The following CLYBL variants were observed in gnomAD, a reference collection of about 807,000 sequenced individuals.
CLYBL encodes the protein citramalyl-CoA lyase.
CLYBL carries 31 observed loss-of-function variants against 38.9 expected under a neutral mutation model. The observed-to-expected ratio is 0.80, with a 90% confidence interval of 0.60 to 1.08. The LOEUF is 1.08. Among genes scored for constraint, CLYBL ranks in the 50% least tolerant of loss-of-function variants. The pLI, the probability that CLYBL is intolerant of heterozygous loss-of-function variation, is 0.00. For missense variants in CLYBL, 434 were observed against 411.6 expected (o/e 1.05, Z -0.47); for synonymous variants, 171 against 158.6 (o/e 1.08, Z -0.59).
At chr13:99,736,038 C>CTTTTTTTTTTTTTTTTTTTTT (rs767129851) in intron 1 of CLYBL, among the ~76,000 whole-genome samples, 2 of 76,198 alleles carry the variant, frequency 2.6e-5, no homozygotes, top group Non-Finnish European at 4.7e-5. Flanking sequence ...CGTTTCTTTT[C>CTTTTTTTTTTTTTTTTTTTTT]TTTTTTTTTT....
At chr13:99,678,774 G>C (rs2047690046) in intron 1 of CLYBL, among the ~76,000 whole-genome samples, 1 of 152,058 alleles carries the variant, frequency 6.6e-6, no homozygotes, top group Non-Finnish European at 1.5e-5. Flanking sequence ...TAGGCAGAAA[G>C]AGCGTGAAAT....
At chr13:99,748,446 T>TGC (rs1566310967) in intron 1 of CLYBL, among the ~76,000 whole-genome samples, 1 of 134,894 alleles carries the variant, frequency 7.4e-6, no homozygotes, top group Admixed American at 7.2e-5. Context: ...TTTTTTTTTT[T>TGC]TTTTTTTTTT....
downstream of CLYBL, among the ~76,000 whole-genome samples, chr13:99,898,883 C>T (rs985971951): frequency 3.9e-5 from 6 of 152,122 alleles, no homozygotes; most frequent in African/African-American, 1.4e-4. Flanking sequence ...AGTGTGGATG[C>T]CTTGAATATT....
At chr13:99,619,062 GA>G (rs1452928347) in intron 1 of CLYBL, among the ~76,000 whole-genome samples, 1 of 152,164 alleles carries the variant, frequency 6.6e-6, no homozygotes, top group Non-Finnish European at 1.5e-5. Flanking sequence ...GGATTTCTTT[GA>G]ATTATACTAG....
In CLYBL at chr13:99,833,005, TAC is replaced by T. The variant is rs1378702732; in HGVS notation, c.250-25854_250-25853del. Among the ~76,000 whole-genome samples, 297 of 50,326 alleles carry T rather than the reference TAC, an allele frequency of 5.9e-3. 11 individuals are homozygous for T. Among genetic ancestry groups the T allele is most frequent in the East Asian group, 0.018 (15 of 838 alleles). 33.0% of individuals were successfully genotyped at this position (50,326 alleles called of 152,430 possible). On this transcript the variant is annotated intron_variant, in intron 2 of 8. Transcript: ENST00000339105. Reference sequence around the variant, plus strand: ...ATTAAGTAGTATATACATACATACATACATATATATATATATATATATATATT... The same window carrying T: ...ATTAAGTAGTATATACATACATACATATATATATATATATATATATATATT...
chr13:99,825,330 G>T (rs35794092), intron 2 of CLYBL, among the ~76,000 whole-genome samples: 1 of 152,050 alleles, frequency 6.6e-6, no homozygotes, highest in African/African-American at 2.4e-5. Flanking sequence ...AATAATATCA[G>T]CTACCTCCTA....
chr13:99,640,729 A>G (rs1427987810), intron 1 of CLYBL, among the ~76,000 whole-genome samples: 1 of 152,282 alleles, frequency 6.6e-6, no homozygotes, highest in Non-Finnish European at 1.5e-5. Flanking sequence ...GTGTTCAATT[A>G]GAAACTGAAG....
intron 7 of CLYBL, among the ~76,000 whole-genome samples, chr13:99,878,966 T>C (rs1037680636): frequency 3.9e-5 from 6 of 152,196 alleles, no homozygotes; most frequent in African/African-American, 1.4e-4. Context: ...GCGTTTAAAG[T>C]AAGCATGGCT....
At chr13:99,628,276 T>C (rs1002167526) in intron 1 of CLYBL, among the ~76,000 whole-genome samples, 8 of 152,234 alleles carry the variant, frequency 5.3e-5, no homozygotes, top group African/African-American at 1.9e-4. Context: ...CCTAATCAGC[T>C]TTACAGCTGT....
intron 2 of CLYBL, among the ~76,000 whole-genome samples, chr13:99,798,203 G>T (rs930015430): frequency 6.6e-6 from 1 of 152,176 alleles, no homozygotes; most frequent in Non-Finnish European, 1.5e-5. Flanking sequence ...GTTTCACTGC[G>T]CTCAAATTTT....
intron 3 of CLYBL, among the ~76,000 whole-genome samples, chr13:99,861,654 C>G (rs2051606484): frequency 6.6e-6 from 1 of 151,990 alleles, no homozygotes. Flanking sequence ...ATGATGATGC[C>G]CTTTGAAGGG....
At chr13:99,608,920 G>A (rs1313500816) in intron 1 of CLYBL, among the ~76,000 whole-genome samples, 1 of 114,750 alleles carries the variant, frequency 8.7e-6, no homozygotes, top group Non-Finnish European at 1.7e-5. Context: ...GTTTTATTAT[G>A]ATGTGTGTAG....
At chr13:99,818,054 G>T (rs2050496487) in intron 2 of CLYBL, among the ~76,000 whole-genome samples, 1 of 151,500 alleles carries the variant, frequency 6.6e-6, no homozygotes, top group South Asian at 2.1e-4. Flanking sequence ...GGGAAGAAGT[G>T]ACGGAAGAAG....
At chr13:99,808,292 C>T (rs1050412763) in intron 2 of CLYBL, among the ~76,000 whole-genome samples, 1 of 152,046 alleles carries the variant, frequency 6.6e-6, no homozygotes, top group African/African-American at 2.4e-5. Context: ...TGCTGTGTTG[C>T]CCAGACTGGT....
chr13:99,816,481 A>C (rs1044529002), intron 2 of CLYBL, among the ~76,000 whole-genome samples: 1 of 152,262 alleles, frequency 6.6e-6, no homozygotes, highest in Non-Finnish European at 1.5e-5. Context: ...GTAGCCTCGT[A>C]AAATGGGCCC....
At chr13:99,626,591 T>C (rs1222921617) in intron 1 of CLYBL, among the ~76,000 whole-genome samples, 1 of 152,226 alleles carries the variant, frequency 6.6e-6, no homozygotes, top group Non-Finnish European at 1.5e-5. Context: ...GTGGTGGAAC[T>C]CTGCAGCTTA....
chr13:99,699,564 G>A (rs1404305460), intron 1 of CLYBL, among the ~76,000 whole-genome samples: 2 of 151,448 alleles, frequency 1.3e-5, no homozygotes, highest in Non-Finnish European at 2.9e-5. Context: ...ATGGTGGCAC[G>A]CGCCTGTAAT....
At chr13:99,760,437 T>C (rs1594164914) in intron 1 of CLYBL, among the ~76,000 whole-genome samples, 1 of 152,256 alleles carries the variant, frequency 6.6e-6, no homozygotes, top group Non-Finnish European at 1.5e-5. Flanking sequence ...TCATATACCT[T>C]TGGGCCTTCA....
chr13:99,670,943 C>T (rs2047556467), intron 1 of CLYBL, among the ~76,000 whole-genome samples: 1 of 152,214 alleles, frequency 6.6e-6, no homozygotes, highest in South Asian at 2.1e-4. Context: ...AATACAATCC[C>T]TCCTCCTTAC....
Sources: gnomAD v4.1 joint callset for allele counts (sites outside exome capture counted in the v4.1 genomes callset) on GRCh38, gnomAD v4.1.1 for gene constraint, MANE v1.5 for transcripts, NCBI Gene and HGNC (gene_info 2026-07-23, HGNC 2026-07-21) for gene names.